Variants in BFSP1 observed in about 807,000 individuals in gnomAD.
BFSP1 encodes the protein beaded filament structural protein 1.
BFSP1 carries 38 observed loss-of-function variants against 43.9 expected under a neutral mutation model. The ratio of observed to expected loss-of-function variants is 0.87; its 90% CI spans 0.67 to 1.14. The LOEUF (loss-of-function observed/expected upper bound fraction) is 1.14, where lower values mean the gene tolerates loss of function less well. BFSP1 is among the 50% of genes most tolerant of loss of function. The probability of loss-of-function intolerance (pLI) is 0.00; values close to 1 mark genes in which losing one functional copy is unlikely to be tolerated. For missense variants in BFSP1, 850 were observed against 875.1 expected (o/e 0.97, Z 0.36); for synonymous variants, 352 against 354.8 (o/e 0.99, Z 0.09).
At chr20:17,565,487 A>T (rs1414614591) in intron 1 of BFSP1, 1 of 152,256 alleles carries the variant, frequency 6.6e-6, no homozygotes, top group East Asian at 1.9e-4. Context: ...ATGAATGAAC[A>T]GTCACACCTT....
At chr20:17,513,457 C>T (rs1216674334) in intron 3 of BFSP1, among the ~76,000 whole-genome samples, 3 of 152,212 alleles carry the variant, frequency 2.0e-5, no homozygotes, top group Admixed American at 6.5e-5. Context: ...TGCTTCAAAA[C>T]TGGCCCAGGC....
chr20:17,529,090 T>TGTGTGTGTGTGTGTGTGAGAGA (rs577672397), intron 1 of BFSP1, among the ~76,000 whole-genome samples: 2 of 151,496 alleles, frequency 1.3e-5, no homozygotes, highest in African/African-American at 4.9e-5. Flanking sequence ...TGTGTGTGTG[T>TGTGTGTGTGTGTGTGTGAGAGA]GAGACAGAGT....
intron 1 of BFSP1, among the ~76,000 whole-genome samples, chr20:17,526,429 C>A (rs187155834): frequency 1.3e-5 from 2 of 152,276 alleles, no homozygotes; most frequent in Non-Finnish European, 2.9e-5. Flanking sequence ...CAATATTTTT[C>A]TTTCTGTGAC....
upstream of BFSP1, among the ~76,000 whole-genome samples, chr20:17,533,694 G>A (rs2034584856): frequency 6.6e-6 from 1 of 152,240 alleles, no homozygotes; most frequent in Admixed American, 6.5e-5. Flanking sequence ...GCCCTGGCAA[G>A]GGTGTGGGTG....
Position 17,531,343 on chromosome 20 carries a change from C to T in BFSP1, c.-14G>A, listed in dbSNP as rs956682295. The T allele has an allele frequency of 6.5e-6, 9 of 1,374,264 alleles. No homozygotes were observed. Among genetic ancestry groups the T allele is most frequent in the African/African-American group, 1.5e-5 (1 of 65,252 alleles). The allele number at this position is 1,374,264 out of a possible 1,614,324, so 85.1% of individuals were successfully genotyped here. A position where few individuals can be genotyped will look rare whatever the true frequency, so the allele number is the denominator to read the frequency against. ...GCGCCGGTACATGGCTGCTCTGGCG[C>T]GGGCGCGCGGGCGGCGCCGAGCCGG... On this transcript the variant is annotated 5_prime_UTR_variant, in exon 1 of 8. Coordinates refer to ENST00000377873, the MANE Select transcript of BFSP1 (RefSeq NM_001195.5).
chr20:17,496,854 G>A (rs2033642835), intron 7 of BFSP1, 84 bp downstream of exon 7: 1 of 1,180,058 alleles, frequency 8.5e-7, no homozygotes, highest in Non-Finnish European at 1.2e-6. Context: ...TCTGAAGCAA[G>A]CATGAATGTT....
At position 17,548,461 on chromosome 20, in the gene BFSP1, C is replaced by T. The variant is rs147803155; in HGVS notation, c.2+10227G>A. On this transcript the variant is annotated intron_variant, in intron 1 of 7. Coordinates refer to the BFSP1 transcript ENST00000377868. ...AATCTCAGATTCAGACTTGTTAAAG[C>T]CTCAAGCCCAGCCACAAATTTATCT... 6.9e-3 allele frequency among the ~76,000 whole-genome samples: 1,053 copies of T among 152,248 alleles called. 7 individuals carry two copies. The highest frequency in any genetic ancestry group is 0.024 in the African/African-American group (977 of 41,548).
At chr20:17,558,630 CA>C in intron 1 of BFSP1, 1 of 1,530,626 alleles carries the variant, frequency 6.5e-7, no homozygotes, top group Non-Finnish European at 8.8e-7. Flanking sequence ...TTCTTTAAAG[CA>C]AAAAGAAAAA....
intron 1 of BFSP1, among the ~76,000 whole-genome samples, chr20:17,546,480 C>T (rs1220859393): frequency 6.6e-6 from 1 of 152,202 alleles, no homozygotes; most frequent in Non-Finnish European, 1.5e-5. Flanking sequence ...GCAGGTGGAT[C>T]ACCTGAAGAC....
At chr20:17,522,545 C>T (rs1027547081) in intron 2 of BFSP1, among the ~76,000 whole-genome samples, 3 of 152,164 alleles carry the variant, frequency 2.0e-5, no homozygotes, top group South Asian at 2.1e-4. Flanking sequence ...TTATGTCATC[C>T]GCTGTAAATA....
intron 5 of BFSP1, among the ~76,000 whole-genome samples, chr20:17,500,016 T>C (rs1351392057): frequency 1.4e-5 from 2 of 147,638 alleles, no homozygotes; most frequent in African/African-American, 4.9e-5. Context: ...ATAAATCTGA[T>C]AGCAAAAAAA....
chr20:17,558,628 A>G, intron 1 of BFSP1: 3 of 1,526,456 alleles, frequency 2.0e-6, no homozygotes, highest in Middle Eastern at 1.7e-4. Flanking sequence ...AGTTCTTTAA[A>G]GCAAAAAGAA....
At chr20:17,502,503 GA>G (rs1219891847) in intron 5 of BFSP1, among the ~76,000 whole-genome samples, 8 of 152,182 alleles carry the variant, frequency 5.3e-5, no homozygotes, top group African/African-American at 1.7e-4. Context: ...ATGTGAGTAG[GA>G]TCTCGACCAG....
At chr20:17,519,833 T>C (rs1466287621) in intron 2 of BFSP1, among the ~76,000 whole-genome samples, 1 of 152,242 alleles carries the variant, frequency 6.6e-6, no homozygotes, top group Non-Finnish European at 1.5e-5. Flanking sequence ...TAGGGCCCAC[T>C]GGAATGTACA....
In BFSP1 at chr20:17,567,554, G is replaced by A. The variant is rs549265199; in HGVS notation, n.50+1617C>T. Among the ~76,000 whole-genome samples, 8 of 152,252 alleles carry A rather than the reference G, an allele frequency of 5.3e-5. No homozygotes were observed. In the East Asian group the frequency reaches 1.5e-3, roughly 29 times the overall value. ...TTTAACAAGGATCTCAGGTGATTTG[G>A]ATCTTTATTAAGATTTGAGAGGTGG... On this transcript the variant is annotated intron_variant and non_coding_transcript_variant, in intron 1 of 6. Transcript: ENST00000473415.
At chr20:17,519,760 G>C (rs73902011) in intron 2 of BFSP1, among the ~76,000 whole-genome samples, 188 of 152,314 alleles carry the variant, frequency 1.2e-3, no homozygotes, top group African/African-American at 4.4e-3. Flanking sequence ...GTTTCTGCAA[G>C]CACACTGTCC....
chr20:17,561,709 G>C (rs1335951386), upstream of BFSP1, among the ~76,000 whole-genome samples: 1 of 152,130 alleles, frequency 6.6e-6, no homozygotes, highest in Non-Finnish European at 1.5e-5. Context: ...CTCTGACCTT[G>C]ATGTGTGTAT....
chr20:17,520,710 C>G (rs572436488), intron 2 of BFSP1, among the ~76,000 whole-genome samples: 1 of 152,286 alleles, frequency 6.6e-6, no homozygotes, highest in South Asian at 2.1e-4. Flanking sequence ...CCTCTTGCCT[C>G]TCCACCCCCA....
intron 1 of BFSP1, among the ~76,000 whole-genome samples, chr20:17,548,890 C>T (rs146929083): frequency 0.012 from 1,762 of 152,274 alleles, 46 homozygotes; most frequent in African/African-American, 0.041. Flanking sequence ...TCACTATAGC[C>T]TCAAACTCCT....
Sources: allele counts gnomAD v4.1 joint callset (sites outside exome capture counted in the v4.1 genomes callset), GRCh38; gene constraint gnomAD v4.1.1; transcripts MANE v1.5; gene names NCBI Gene and HGNC (gene_info 2026-07-23, HGNC 2026-07-21).